CIC: variants seen among roughly 807,000 people sequenced by gnomAD.
The protein encoded by CIC is protein capicua homolog.
A neutral mutation model predicts 115.7 loss-of-function variants in CIC; 18 were observed. The observed-to-expected ratio is 0.16, with a 90% CI of 0.11 to 0.23. The LOEUF is 0.23. CIC is among the 10% of genes least tolerant of loss of function. The probability of loss-of-function intolerance (pLI) is 1.00; values close to 1 mark genes in which losing one functional copy is unlikely to be tolerated. For synonymous variants in CIC, 1,076 were observed against 923.0 expected (o/e 1.17, Z -3.01); for missense variants, 2,000 against 2,159.3 (o/e 0.93, Z 1.46).
chr19:42,293,939 G>A lies in CIC; in HGVS notation c.6772G>A (p.Val2258Ile). 4 of 1,613,200 alleles carry A rather than the reference G, an allele frequency of 2.5e-6. No homozygotes were observed. Among genetic ancestry groups the A allele is most frequent in the South Asian group, 1.1e-5 (1 of 91,084 alleles). The change falls in exon 18 of 21, where the codon GTC becomes ATC. Residue 2258 changes from valine to isoleucine, a missense_variant. Val to Ile is a conservative substitution (Grantham distance 29). This residue lies in a region of CIC where 99 missense variants were observed against 217.6 expected (regional missense o/e 0.45). Coordinates refer to ENST00000681038, the MANE Select transcript of CIC (RefSeq NM_001386298.1). The part of the protein sequence containing the change: ...KKTFDSVDNR[V>I]LSEVDFEERF... The stretch of plus-strand genomic sequence containing the variant: ...GTGACCCTGCCGGCCCTCCAGCAGG[G>A]TCCTGTCAGAAGTGGACTTCGAAGA...
chr19:42,286,468 G>A (rs1193829252), intron 2 of CIC, among the ~76,000 whole-genome samples: 2 of 152,042 alleles, frequency 1.3e-5, no homozygotes, highest in Non-Finnish European at 2.9e-5. Context: ...TTTGTGGCAG[G>A]AGCAAATCGT....
Position 42,290,292 on chromosome 19 carries a change from C to T in CIC, c.4251C>T (p.Pro1417=), listed in dbSNP as rs201587160. ...VIRSSFTHCR[P]PLDPEPPGPP... ...GTTCCTCCTTTACCCACTGCCGCCC[C>T]CCACTGGACCCTGAGCCCCCAGGGC... The change falls in exon 11 of 21, where the codon CCC becomes CCT. Residue 1417 remains proline, a synonymous_variant. Coordinates refer to ENST00000681038, the MANE Select transcript of CIC (RefSeq NM_001386298.1). The T allele has an allele frequency of 2.5e-6, 4 of 1,613,990 alleles. No individual in the cohort carries two copies. In the African/African-American group the frequency reaches 4.0e-5, roughly 16 times the overall value.
Position 42,292,343 on chromosome 19 carries a change from G to T in CIC, c.5779G>T (p.Gly1927Cys). ...QSAGGHALPLGTSPASSQAGT... is the reference protein window; with the variant it reads ...QSAGGHALPLCTSPASSQAGT... ...AGCGGGCGGGCACGCGCTGCCCCTG[G>T]GTACCAGCCCTGCGTCCAGCCAGGC... The change falls in exon 14 of 21, where the codon GGT becomes TGT. Residue 1927 changes from glycine to cysteine, a missense_variant. This residue lies in a region of CIC where 1,466 missense variants were observed against 1,390.4 expected (regional missense o/e 1.05). Coordinates refer to ENST00000681038, the MANE Select transcript of CIC (RefSeq NM_001386298.1). The T allele has an allele frequency of 6.2e-7, 1 of 1,613,076 alleles. No individual in the cohort carries two copies. Among genetic ancestry groups the T allele is most frequent in the Non-Finnish European group, 8.5e-7 (1 of 1,179,956 alleles).
intron 2 of CIC, among the ~76,000 whole-genome samples, chr19:42,279,358 G>A (rs2037118313): frequency 6.6e-6 from 1 of 152,236 alleles, no homozygotes; most frequent in Non-Finnish European, 1.5e-5. Context: ...GCACAGGCAA[G>A]GATGAGCCCA....
In CIC at chr19:42,292,390, G is replaced by A. The variant is rs1472852891; in HGVS notation, c.5826G>A (p.Gly1942=). The change falls in exon 14 of 21, where the codon GGG becomes GGA. Residue 1942 remains glycine (G), a synonymous_variant. Transcript: ENST00000681038. ...AGGCTGGAACAGTCACCTCGTACGGGCCCACGAGCTCTGTAGCTCTAGGCT... is the reference window on the plus strand; with the variant it reads ...AGGCTGGAACAGTCACCTCGTACGGACCCACGAGCTCTGTAGCTCTAGGCT... ...SSQAGTVTSY[G]PTSSVALGFT... is the part of the protein sequence containing the mutation. 35 of 1,612,546 alleles carry A rather than the reference G, an allele frequency of 2.2e-5. No homozygotes were observed. Among genetic ancestry groups the A allele is most frequent in the Non-Finnish European group, 3.0e-5 (35 of 1,179,754 alleles).
At position 42,291,987 on chromosome 19, in the gene CIC, T is replaced by C; in HGVS notation, c.5614-99T>C. ...CCTGTTCTCACCCCAAGTTCTGTGT[T>C]CCTTGCTTTTGCTTAGAGTCCCACT... On this transcript the variant is annotated intron_variant, in intron 12 of 20. Transcript: ENST00000681038. The C allele has an allele frequency of 1.9e-6, 3 of 1,558,306 alleles. No individual in the cohort carries two copies. In the South Asian group the frequency reaches 3.3e-5, roughly 17 times the overall value.
chr19:42,287,755 C>T lies in CIC; in HGVS notation c.3492+28C>T, dbSNP rs1322419608. 6 of 1,614,082 alleles carry T rather than the reference C, an allele frequency of 3.7e-6. No homozygotes were observed. The highest frequency in any genetic ancestry group is 5.1e-6 in the Non-Finnish European group (6 of 1,180,040). On this transcript the variant is annotated intron_variant, in intron 6 of 20. Coordinates refer to ENST00000681038, the MANE Select transcript of CIC (RefSeq NM_001386298.1). This position sits in a 1 kb window ranked among gnomAD's most constrained non-coding sequence, Gnocchi z 8.7. Reference sequence around the variant, plus strand: ...AACGCTGTTGCCTCTTGGCTCCTCCCAGCTTCTTCTGGTGGGGTGGGTGAG... The same window carrying T: ...AACGCTGTTGCCTCTTGGCTCCTCCTAGCTTCTTCTGGTGGGGTGGGTGAG...
chr19:42,274,282 G>C lies in CIC; in HGVS notation c.2499G>C (p.Glu833Asp). The C allele has an allele frequency of 2.5e-6, 1 of 398,804 alleles. No individual in the cohort carries two copies. Among genetic ancestry groups the C allele is most frequent in the East Asian group, 3.6e-5 (1 of 28,080 alleles). 24.7% of individuals were successfully genotyped at this position (398,804 alleles called of 1,614,324 possible). The change falls in exon 2 of 21, where the codon GAG becomes GAC. Residue 833 changes from glutamate (E) to aspartate (D), a missense_variant. By Grantham distance (45) the Glu-to-Asp change is conservative. Coordinates refer to ENST00000681038, the MANE Select transcript of CIC (RefSeq NM_001386298.1). ...KFPGEVGTAG[E>D]VRAGGPGRGC... ...CTGGGGAGGTGGGCACTGCTGGTGA[G>C]GTGCGGGCTGGGGGACCTGGGCGGG...
At chr19:42,288,555 TG>T (rs2037831140) in intron 7 of CIC, among the ~76,000 whole-genome samples, 1 of 151,850 alleles carries the variant, frequency 6.6e-6, no homozygotes. Context: ...TCTATGAGAG[TG>T]GGGACACTAG....
chr19:42,292,287 T>C lies in CIC; in HGVS notation c.5736-13T>C. 6.2e-7 allele frequency: 1 copy of C among 1,613,250 alleles called. No individual in the cohort carries two copies. The highest frequency in any genetic ancestry group is 8.5e-7 in the Non-Finnish European group (1 of 1,179,980). ...GCTTACCTCACTCCTCCCCATTTCC[T>C]CTCCTGCGGCAGAATCACCTATGTG... On this transcript the variant is annotated splice_polypyrimidine_tract_variant and intron_variant, in intron 13 of 20. Transcript: ENST00000681038.
At chr19:42,288,096 C>A in intron 7 of CIC, 121 bp downstream of exon 7, 1 of 1,170,112 alleles carries the variant, frequency 8.5e-7, no homozygotes, top group South Asian at 1.4e-5. Context: ...TTTAATTTGG[C>A]GACCCTTATC....
At chr19:42,284,516 C>T (rs1228155657) in intron 2 of CIC, 2 of 155,180 alleles carry the variant, frequency 1.3e-5, no homozygotes, top group Non-Finnish European at 2.7e-5. Flanking sequence ...CGGCGCTGTG[C>T]GCAGGCGCGC....
chr19:42,278,505 T>A (rs1265331442), intron 2 of CIC, among the ~76,000 whole-genome samples: 1 of 152,254 alleles, frequency 6.6e-6, no homozygotes, highest in Non-Finnish European at 1.5e-5. Flanking sequence ...CCCTGTGCCT[T>A]CCTGGGTTTG....
Position 42,292,939 on chromosome 19 carries a change from A to G in CIC, c.6197-17A>G. 2 of 1,613,552 alleles carry G rather than the reference A, an allele frequency of 1.2e-6. No individual in the cohort carries two copies. The highest frequency in any genetic ancestry group is 1.7e-6 in the Non-Finnish European group (2 of 1,179,958). ...TCCAGTCAGGCCTGGCTCAGCAAAC[A>G]ATTTTCTCCCCACTAGCAGGTTCCA... On this transcript the variant is annotated splice_polypyrimidine_tract_variant and intron_variant, in intron 15 of 20. Coordinates refer to ENST00000681038, the MANE Select transcript of CIC (RefSeq NM_001386298.1).
At chr19:42,289,740 G>A in intron 9 of CIC, 108 bp from the exon 10 acceptor site, 2 of 1,000,046 alleles carry the variant, frequency 2.0e-6, no homozygotes, top group South Asian at 1.4e-5. Flanking sequence ...TTCCTGGACA[G>A]CACTCCCTGC....
In CIC at chr19:42,287,413, C is replaced by T. The variant is rs769059501; in HGVS notation, c.3273C>T (p.Asp1091=). Residue 1091 remains aspartate (D), a synonymous_variant, in exon 5 of 21, where the codon GAC becomes GAT. Coordinates refer to ENST00000681038, the MANE Select transcript of CIC (RefSeq NM_001386298.1). This position sits in a 1 kb window ranked among gnomAD's most constrained non-coding sequence, Gnocchi z 8.7. The part of the protein sequence containing the change: ...QSLSALPKER[D]SSSEKDGRSP... ...TCAGTGCCCTACCCAAGGAACGGGA[C>T]TCATCTTCTGAGAAGGATGGACGCA... 6.2e-7 allele frequency: 1 copy of T among 1,614,078 alleles called. No homozygotes were observed. Among genetic ancestry groups the T allele is most frequent in the Non-Finnish European group, 8.5e-7 (1 of 1,180,046 alleles).
At position 42,287,528 on chromosome 19, in the gene CIC, G is replaced by T. The variant is rs2147194245; in HGVS notation, c.3310-17G>T. ...GCCAGGTCCTAACTGTCCCGCTCTG[G>T]GCTGTGTTTAATGCAGCGGGAGAAG... On this transcript the variant is annotated splice_polypyrimidine_tract_variant and intron_variant, in intron 5 of 20. Coordinates refer to ENST00000681038, the MANE Select transcript of CIC (RefSeq NM_001386298.1). The surrounding 1 kb of genome is among the most constrained non-coding windows in gnomAD (Gnocchi z 8.7). 6.2e-7 allele frequency: 1 copy of T among 1,612,906 alleles called. No homozygotes were observed. Among genetic ancestry groups the T allele is most frequent in the Non-Finnish European group, 8.5e-7 (1 of 1,180,014 alleles).
chr19:42,284,161 G>A (rs1443025512), intron 2 of CIC: 2 of 147,940 alleles, frequency 1.4e-5, no homozygotes, highest in Non-Finnish European at 3.0e-5. Context: ...GGTCGACCCG[G>A]CGCTGAGCCT....
chr19:42,276,593 G>A (rs1599857194), intron 2 of CIC, among the ~76,000 whole-genome samples: 1 of 152,204 alleles, frequency 6.6e-6, no homozygotes, highest in African/African-American at 2.4e-5. Flanking sequence ...TGCCCCTGAT[G>A]TTCATATACA....
Sources: gnomAD v4.1 joint callset for allele counts (sites outside exome capture counted in the v4.1 genomes callset) on GRCh38, gnomAD v4.1.1 for gene constraint, gnomAD v4.1.1 regional missense constraint, Gnocchi (gnomAD v3.1) non-coding constraint, MANE v1.5 for transcripts, NCBI Gene and HGNC (gene_info 2026-07-23, HGNC 2026-07-21) for gene names.